The following ITFG1 variants were observed in gnomAD, a reference collection of about 807,000 sequenced individuals.
ITFG1 encodes the protein integrin alpha FG-GAP repeat containing 1, also known as T-cell immunomodulatory protein.
ITFG1 carries 34 observed loss-of-function variants against 81.8 expected under a neutral mutation model. That is an observed-to-expected ratio of 0.42 (90% confidence interval 0.32 to 0.55). The LOEUF is 0.55. ITFG1 is among the 20% of genes least tolerant of loss of function. The probability of loss-of-function intolerance (pLI) is 0.17; values close to 1 mark genes in which losing one functional copy is unlikely to be tolerated. For synonymous variants in ITFG1, 285 were observed against 270.6 expected, an observed-to-expected ratio of 1.05 and a Z score of -0.52; for missense variants, 672 against 755.4, an observed-to-expected ratio of 0.89 and a Z score of 1.29.
rs1422108943 is a variant in ITFG1, at chr16:47,349,405, C to T, written c.802+16383G>A. 2.0e-5 allele frequency among the ~76,000 whole-genome samples: 3 copies of T among 152,250 alleles called. No individual in the cohort carries two copies. In the East Asian group the frequency reaches 5.8e-4, roughly 29 times the overall value. On this transcript the variant is annotated intron_variant, in intron 8 of 17. Transcript: ENST00000320640. ...GGAAAACAAAAAAAGGCAGGGGTTGCAATCCTAGTCTCTGATAAAACAGAC... is the reference window on the plus strand; with the variant it reads ...GGAAAACAAAAAAAGGCAGGGGTTGTAATCCTAGTCTCTGATAAAACAGAC...
At chr16:47,194,884 G>A (rs1284784504) in intron 14 of ITFG1, among the ~76,000 whole-genome samples, 2 of 151,400 alleles carry the variant, frequency 1.3e-5, no homozygotes, top group Non-Finnish European at 2.9e-5. Context: ...CCTTGCCCCC[G>A]ACTCCCCTCA....
intron 8 of ITFG1, among the ~76,000 whole-genome samples, chr16:47,323,206 C>A (rs1967475361): frequency 6.6e-6 from 1 of 151,986 alleles, no homozygotes; most frequent in African/African-American, 2.4e-5. Context: ...GGGTTCTCCC[C>A]ACATGAATAG....
intron 10 of ITFG1, among the ~76,000 whole-genome samples, chr16:47,290,204 A>T (rs1966890288): frequency 6.6e-6 from 1 of 152,158 alleles, no homozygotes; most frequent in South Asian, 2.1e-4. Flanking sequence ...ATTTTAATTT[A>T]AAAAAATTTG....
At chr16:47,356,250 T>C (rs1968038254) in intron 8 of ITFG1, among the ~76,000 whole-genome samples, 1 of 152,214 alleles carries the variant, frequency 6.6e-6, no homozygotes, top group Non-Finnish European at 1.5e-5. Flanking sequence ...ATGTAAAATA[T>C]TTTCTATGAA....
chr16:47,445,087 C>T (rs1969306369), intron 5 of ITFG1, among the ~76,000 whole-genome samples: 1 of 145,734 alleles, frequency 6.9e-6, no homozygotes, highest in South Asian at 2.2e-4. Flanking sequence ...TGTATGCAAG[C>T]TTCATGTTAA....
chr16:47,268,276 C>G (rs1966300505), intron 10 of ITFG1, among the ~76,000 whole-genome samples: 1 of 152,142 alleles, frequency 6.6e-6, no homozygotes, highest in East Asian at 1.9e-4. Context: ...TGTGCCAATA[C>G]AATTGATAAG....
intron 13 of ITFG1, among the ~76,000 whole-genome samples, chr16:47,228,252 T>C (rs182636262): frequency 1.9e-4 from 29 of 152,336 alleles, no homozygotes; most frequent in Admixed American, 1.7e-3. Context: ...AAATCAGTTA[T>C]AATCAATAAA....
At chr16:47,441,545 A>C (rs1969250662) in intron 5 of ITFG1, among the ~76,000 whole-genome samples, 2 of 152,234 alleles carry the variant, frequency 1.3e-5, no homozygotes, top group Non-Finnish European at 2.9e-5. Flanking sequence ...AAATACACGC[A>C]ATCCAGCATA....
chr16:47,218,348 A>G (rs1485348328), intron 14 of ITFG1: 2 of 152,116 alleles, frequency 1.3e-5, no homozygotes, highest in Non-Finnish European at 2.9e-5. Flanking sequence ...CCTTTGCTCA[A>G]TCTTATTTCT....
intron 14 of ITFG1, among the ~76,000 whole-genome samples, chr16:47,176,362 C>A (rs2151511620): frequency 6.6e-6 from 1 of 152,062 alleles, no homozygotes; most frequent in South Asian, 2.1e-4. Context: ...AGATAAAAGA[C>A]AATTTTTTTT....
chr16:47,453,119 A>G (rs1263232473), intron 3 of ITFG1, among the ~76,000 whole-genome samples: 2 of 152,230 alleles, frequency 1.3e-5, no homozygotes, highest in South Asian at 2.1e-4. Context: ...TGGTGTAAAG[A>G]AGGCCACATA....
chr16:47,239,040 T>C (rs1965904923), intron 12 of ITFG1, among the ~76,000 whole-genome samples: 1 of 152,158 alleles, frequency 6.6e-6, no homozygotes, highest in South Asian at 2.1e-4. Context: ...GTAATTTCTT[T>C]TGACCCCTTC....
At chr16:47,299,286 G>A (rs1967035570) in intron 10 of ITFG1, among the ~76,000 whole-genome samples, 1 of 152,208 alleles carries the variant, frequency 6.6e-6, no homozygotes, top group Non-Finnish European at 1.5e-5. Context: ...GGCAGTGCGT[G>A]CAGGTGAGAG....
intron 5 of ITFG1, among the ~76,000 whole-genome samples, chr16:47,442,744 A>T (rs1969270256): frequency 6.6e-6 from 1 of 152,216 alleles, no homozygotes; most frequent in African/African-American, 2.4e-5. Flanking sequence ...TTATACAAAA[A>T]TTAATTCAAG....
intron 14 of ITFG1, among the ~76,000 whole-genome samples, chr16:47,173,062 T>C (rs978209677): frequency 5.9e-5 from 9 of 152,342 alleles, no homozygotes; most frequent in Admixed American, 2.6e-4. Flanking sequence ...CTTCTTTGCC[T>C]GGAATAGCCT....
intron 6 of ITFG1, among the ~76,000 whole-genome samples, chr16:47,419,907 T>G (rs773703896): frequency 7.2e-5 from 11 of 151,784 alleles, no homozygotes; most frequent in Non-Finnish European, 1.6e-4. Context: ...CCGCCCTACT[T>G]CAGGTCTTAT....
At chr16:47,377,727 G>A (rs1327620607) in intron 6 of ITFG1, among the ~76,000 whole-genome samples, 4 of 152,100 alleles carry the variant, frequency 2.6e-5, no homozygotes, top group South Asian at 4.2e-4. Context: ...CCTCTGTCAC[G>A]GCAGTGATTA....
intron 13 of ITFG1, among the ~76,000 whole-genome samples, chr16:47,226,268 G>A (rs557362666): frequency 3.3e-5 from 5 of 152,282 alleles, no homozygotes; most frequent in Middle Eastern, 3.4e-3. Context: ...GGAGTGCAGC[G>A]GTGCAATCTG....
chr16:47,403,412 T>A (rs552300931), intron 6 of ITFG1, among the ~76,000 whole-genome samples: 64 of 151,422 alleles, frequency 4.2e-4, no homozygotes, highest in East Asian at 1.9e-3. Flanking sequence ...CATTTTTTTT[T>A]AAAAAAAAGG....
Sources: allele counts gnomAD v4.1 joint callset (sites outside exome capture counted in the v4.1 genomes callset), GRCh38; gene constraint gnomAD v4.1.1; transcripts MANE v1.5; gene names NCBI Gene and HGNC (gene_info 2026-07-23, HGNC 2026-07-21).